The following PRDM5 variants were observed in gnomAD, a reference collection of about 807,000 sequenced individuals.
PRDM5 encodes the protein PR domain zinc finger protein 5.
In PRDM5, 56 loss-of-function variants were observed where a neutral mutation model predicts 81.2. The observed-to-expected ratio is 0.69, with a 90% CI of 0.56 to 0.86. The LOEUF is 0.86. PRDM5 is among the 40% of genes least tolerant of loss of function. The pLI is 0.00. For synonymous variants in PRDM5, 267 were observed against 256.4 expected (o/e 1.04, Z -0.39); for missense variants, 697 against 770.1 (o/e 0.91, Z 1.12).
At chr4:120,794,479 C>T (rs1433713203) in intron 10 of PRDM5, among the ~76,000 whole-genome samples, 2 of 150,642 alleles carry the variant, frequency 1.3e-5, no homozygotes, top group Non-Finnish European at 3.0e-5. Flanking sequence ...AATTGTTTGG[C>T]TATGACCAAA....
chr4:120,869,113 G>A (rs1180884802), intron 2 of PRDM5, among the ~76,000 whole-genome samples: 1 of 151,914 alleles, frequency 6.6e-6, no homozygotes, highest in African/African-American at 2.4e-5. Context: ...AAACATGATT[G>A]TTAAATCAAA....
chr4:120,830,508 A>T (rs1399450606), intron 3 of PRDM5, among the ~76,000 whole-genome samples: 1 of 152,066 alleles, frequency 6.6e-6, no homozygotes, highest in Non-Finnish European at 1.5e-5. Context: ...ATAAACCACT[A>T]AGAGTTTAGG....
At chr4:120,835,675 C>T (rs750560384) in intron 3 of PRDM5, among the ~76,000 whole-genome samples, 2 of 152,178 alleles carry the variant, frequency 1.3e-5, no homozygotes, top group African/African-American at 2.4e-5. Flanking sequence ...CCTCCCCAGC[C>T]ATGAGGAACT....
chr4:120,882,835 G>A (rs954171413), intron 2 of PRDM5, among the ~76,000 whole-genome samples: 4 of 152,120 alleles, frequency 2.6e-5, no homozygotes, highest in Non-Finnish European at 5.9e-5. Context: ...TCAAAACAAC[G>A]TACGTGCCTC....
chr4:120,707,272 C>T (rs1331978447), intron 15 of PRDM5, among the ~76,000 whole-genome samples: 4 of 150,968 alleles, frequency 2.6e-5, no homozygotes, highest in Non-Finnish European at 4.4e-5. Context: ...AACAGTGGTT[C>T]GAATAGGAAA....
chr4:120,724,298 C>T (rs1023275944), intron 14 of PRDM5, among the ~76,000 whole-genome samples: 2 of 152,092 alleles, frequency 1.3e-5, no homozygotes, highest in South Asian at 2.1e-4. Flanking sequence ...GGTCCTTATC[C>T]TCAAGAAGAG....
At chr4:120,894,869 C>A (rs1447262071) in intron 2 of PRDM5, among the ~76,000 whole-genome samples, 1 of 151,950 alleles carries the variant, frequency 6.6e-6, no homozygotes, top group Non-Finnish European at 1.5e-5. Flanking sequence ...CTTCAATTAC[C>A]CATGCACAAG....
chr4:120,763,925 A>AC (rs1347050270), intron 13 of PRDM5, among the ~76,000 whole-genome samples: 5 of 148,778 alleles, frequency 3.4e-5, no homozygotes, highest in Non-Finnish European at 6.0e-5. Flanking sequence ...ACTAGAGAAG[A>AC]TTAAAAAAAA....
chr4:120,696,884 G>T (rs1734588120), intron 15 of PRDM5, among the ~76,000 whole-genome samples: 1 of 152,082 alleles, frequency 6.6e-6, no homozygotes, highest in Admixed American at 6.6e-5. Context: ...ATAAAATGCA[G>T]CCAATTTATC....
intron 13 of PRDM5, among the ~76,000 whole-genome samples, chr4:120,761,429 C>A (rs545337008): frequency 1.3e-5 from 2 of 152,212 alleles, no homozygotes; most frequent in Non-Finnish European, 2.9e-5. Flanking sequence ...TTAATATATG[C>A]CTTTCAGATT....
chr4:120,684,876 C>T (rs1307836230), downstream of PRDM5: 7 of 151,688 alleles, frequency 4.6e-5, no homozygotes, highest in Admixed American at 4.6e-4. Context: ...TATTATTTTT[C>T]AAAGATGTAA....
intron 14 of PRDM5, among the ~76,000 whole-genome samples, chr4:120,715,772 C>G (rs894741748): frequency 6.6e-6 from 1 of 152,174 alleles, no homozygotes; most frequent in Non-Finnish European, 1.5e-5. Context: ...GGCATGGCAC[C>G]ATGGCAGCTG....
At chr4:120,898,465 T>C (rs1404840435) in intron 2 of PRDM5, among the ~76,000 whole-genome samples, 1 of 152,156 alleles carries the variant, frequency 6.6e-6, no homozygotes, top group Non-Finnish European at 1.5e-5. Flanking sequence ...AGTAACCCTC[T>C]AGACAGGCTG....
intron 14 of PRDM5, among the ~76,000 whole-genome samples, chr4:120,733,449 T>C (rs1186899224): frequency 6.6e-6 from 1 of 152,194 alleles, no homozygotes; most frequent in Non-Finnish European, 1.5e-5. Context: ...TGCAATGCCC[T>C]ACCCCCAATC....
intron 8 of PRDM5, among the ~76,000 whole-genome samples, chr4:120,811,102 T>A (rs1441104725): frequency 1.3e-5 from 2 of 152,106 alleles, no homozygotes; most frequent in Non-Finnish European, 2.9e-5. Flanking sequence ...TTAACAATGA[T>A]CATTTACATC....
chr4:120,729,158 C>T (rs1242329835), intron 14 of PRDM5, among the ~76,000 whole-genome samples: 3 of 152,134 alleles, frequency 2.0e-5, no homozygotes, highest in Non-Finnish European at 4.4e-5. Flanking sequence ...TTTACTTCAG[C>T]ATCAGCATGG....
At chr4:120,910,659 T>C (rs1022502126) in intron 1 of PRDM5, among the ~76,000 whole-genome samples, 7 of 152,202 alleles carry the variant, frequency 4.6e-5, no homozygotes, top group African/African-American at 1.7e-4. Context: ...TATATAATTC[T>C]TTTTCTTTTA....
chr4:120,708,226 A>T (rs564105576), intron 15 of PRDM5, among the ~76,000 whole-genome samples: 8 of 152,178 alleles, frequency 5.3e-5, no homozygotes, highest in Non-Finnish European at 7.4e-5. Flanking sequence ...CACAATAGTC[A>T]TAAGGTAGAA....
intron 3 of PRDM5, among the ~76,000 whole-genome samples, chr4:120,825,066 GA>G (rs1453664032): frequency 1.3e-5 from 2 of 152,134 alleles, no homozygotes; most frequent in Non-Finnish European, 2.9e-5. Context: ...CAACCAAAGA[GA>G]GCAGGACTTT....
Sources: gnomAD v4.1 joint callset for allele counts (sites outside exome capture counted in the v4.1 genomes callset) on GRCh38, gnomAD v4.1.1 for gene constraint, MANE v1.5 for transcripts, NCBI Gene and HGNC (gene_info 2026-07-23, HGNC 2026-07-21) for gene names.